Variants in WDR41 observed in about 807,000 individuals in gnomAD.
The protein encoded by WDR41 is WD repeat domain 41, also known as WD repeat-containing protein 41.
WDR41 carries 63 observed loss-of-function variants against 69.3 expected under a neutral mutation model. The ratio of observed to expected loss-of-function variants is 0.91; its 90% CI spans 0.74 to 1.12. The LOEUF (loss-of-function observed/expected upper bound fraction) is 1.12. WDR41 is among the 50% of genes most tolerant of loss of function. The pLI is 0.00. For missense variants in WDR41, 543 were observed against 534.5 expected (o/e 1.02, Z -0.16); for synonymous variants, 185 against 192.1 (o/e 0.96, Z 0.31).
intron 2 of WDR41, among the ~76,000 whole-genome samples, chr5:77,475,182 G>A (rs187733988): frequency 5.3e-5 from 8 of 152,294 alleles, no homozygotes; most frequent in Admixed American, 2.0e-4. Flanking sequence ...ACAGAGTCTC[G>A]CTAATTGCTA....
intron 1 of WDR41, among the ~76,000 whole-genome samples, chr5:77,576,973 A>T (rs2112283382): frequency 6.6e-6 from 1 of 152,316 alleles, no homozygotes; most frequent in East Asian, 1.9e-4. Context: ...TTGAAAGGAT[A>T]CTGGCATATT....
chr5:77,512,361 T>TAAA (rs1561211281), intron 1 of WDR41, among the ~76,000 whole-genome samples: 1 of 108,246 alleles, frequency 9.2e-6, no homozygotes, highest in Non-Finnish European at 2.0e-5. Context: ...AGTGAGTGTG[T>TAAA]GTGTGTGTGT....
intron 2 of WDR41, among the ~76,000 whole-genome samples, chr5:77,485,955 A>C (rs1396978621): frequency 6.6e-6 from 1 of 152,196 alleles, no homozygotes; most frequent in African/African-American, 2.4e-5. Flanking sequence ...ACCAAAAAAA[A>C]CCCAGAGTGT....
chr5:77,456,728 G>T (rs1799849844), intron 5 of WDR41, among the ~76,000 whole-genome samples: 1 of 151,936 alleles, frequency 6.6e-6, no homozygotes, highest in Non-Finnish European at 1.5e-5. Flanking sequence ...TTGAGACAGG[G>T]TCTTGCTCTA....
intron 1 of WDR41, among the ~76,000 whole-genome samples, chr5:77,500,722 C>G (rs529952903): frequency 9.7e-4 from 148 of 152,132 alleles, no homozygotes; most frequent in African/African-American, 3.3e-3. Context: ...GGTTCAGATA[C>G]CAAATCATAA....
chr5:77,468,763 T>C (rs1800418565), intron 2 of WDR41, among the ~76,000 whole-genome samples: 1 of 152,198 alleles, frequency 6.6e-6, no homozygotes, highest in Non-Finnish European at 1.5e-5. Context: ...GTGGTTAACT[T>C]TCCACCTAAC....
chr5:77,479,885 C>T (rs1232016513), intron 2 of WDR41, among the ~76,000 whole-genome samples: 19 of 151,512 alleles, frequency 1.3e-4, no homozygotes, highest in African/African-American at 3.4e-4. Context: ...AGTGAACAGG[C>T]AACCTACAAA....
intron 1 of WDR41, among the ~76,000 whole-genome samples, chr5:77,607,816 G>A (rs1002251746): frequency 6.6e-6 from 1 of 152,106 alleles, no homozygotes; most frequent in African/African-American, 2.4e-5. Flanking sequence ...ACTTTTTGCT[G>A]ACTTTGTATA....
chr5:77,441,644 A>G (rs1799171605), intron 8 of WDR41, among the ~76,000 whole-genome samples: 2 of 152,142 alleles, frequency 1.3e-5, no homozygotes, highest in African/African-American at 4.8e-5. Context: ...AGGTTGAGAC[A>G]GGAGAACTGC....
At chr5:77,579,451 C>CA (rs1743894828) in intron 1 of WDR41, among the ~76,000 whole-genome samples, 1 of 151,944 alleles carries the variant, frequency 6.6e-6, no homozygotes, top group Non-Finnish European at 1.5e-5. Flanking sequence ...AACTACACAA[C>CA]AAAACTCAAT....
In WDR41 at chr5:77,489,516, C is replaced by T; in HGVS notation, c.108G>A (p.Leu36=). The change falls in exon 2 of 13, where the codon CTG becomes CTA. Residue 36 remains leucine, a synonymous_variant. Transcript: ENST00000296679. Reference sequence around the variant, plus strand: ...TATCATGATGAGCCTTCAGTACTAGCAGTTCAGTGTAGGGATTCTGGGTTT... The same window carrying T: ...TATCATGATGAGCCTTCAGTACTAGTAGTTCAGTGTAGGGATTCTGGGTTT... ...EEQTQNPYTE[L]LVLKAHHDIV... is the part of the protein sequence containing the mutation. 1 of 1,608,856 alleles carries T rather than the reference C, an allele frequency of 6.2e-7. No homozygotes were observed. Among genetic ancestry groups the T allele is most frequent in the Non-Finnish European group, 8.5e-7 (1 of 1,178,450 alleles).
At chr5:77,476,045 T>C (rs1284123691) in intron 2 of WDR41, among the ~76,000 whole-genome samples, 2 of 152,036 alleles carry the variant, frequency 1.3e-5, no homozygotes, top group African/African-American at 4.8e-5. Context: ...CAGAAGCCGA[T>C]GCGATCAACT....
At chr5:77,558,907 AATT>A (rs1743464471) in intron 1 of WDR41, among the ~76,000 whole-genome samples, 1 of 152,176 alleles carries the variant, frequency 6.6e-6, no homozygotes. Context: ...GTATTTTCCA[AATT>A]ATCTATTACA....
At chr5:77,469,810 A>C (rs199871297) in intron 2 of WDR41, among the ~76,000 whole-genome samples, 110 of 152,300 alleles carry the variant, frequency 7.2e-4, no homozygotes, top group African/African-American at 2.6e-3. Flanking sequence ...GATTGGTGTA[A>C]CTGAAAGTGA....
chr5:77,494,026 T>C (rs767329713), upstream of WDR41, among the ~76,000 whole-genome samples: 32 of 151,500 alleles, frequency 2.1e-4, no homozygotes, highest in South Asian at 6.3e-4. Context: ...GTGGCATCAA[T>C]AGAAAGGGTG....
At position 77,489,586 on chromosome 5, in the gene WDR41, A is replaced by C; in HGVS notation, c.52-14T>G. 1 of 1,520,430 alleles carries C rather than the reference A, an allele frequency of 6.6e-7. No individual in the cohort carries two copies. Among genetic ancestry groups the C allele is most frequent in the Non-Finnish European group, 8.9e-7 (1 of 1,124,176 alleles). 94.2% of individuals were successfully genotyped at this position (1,520,430 alleles called of 1,614,324 possible). ...TAAAGGAGATTTCTTGTATTGAAAAAAAAAAAAAAGCAAAAAACAAAAGAC... is the reference window on the plus strand; with the variant it reads ...TAAAGGAGATTTCTTGTATTGAAAACAAAAAAAAAGCAAAAAACAAAAGAC... On this transcript the variant is annotated splice_polypyrimidine_tract_variant and intron_variant, in intron 1 of 12. Coordinates refer to ENST00000296679, the MANE Select transcript of WDR41 (RefSeq NM_018268.4).
At chr5:77,585,203 C>G (rs1320265593) in intron 1 of WDR41, among the ~76,000 whole-genome samples, 1 of 151,424 alleles carries the variant, frequency 6.6e-6, no homozygotes, top group African/African-American at 2.4e-5. Context: ...ATACAAATGG[C>G]CAAGAAACAT....
chr5:77,557,512 A>T (rs1743424218), intron 1 of WDR41, among the ~76,000 whole-genome samples: 1 of 152,244 alleles, frequency 6.6e-6, no homozygotes, highest in African/African-American at 2.4e-5. Flanking sequence ...CAGTAAGATG[A>T]CATTTCACAT....
intron 1 of WDR41, among the ~76,000 whole-genome samples, chr5:77,611,130 A>G (rs1744540797): frequency 6.6e-6 from 1 of 152,062 alleles, no homozygotes; most frequent in South Asian, 2.1e-4. Flanking sequence ...CATGCACCCA[A>G]TACAGGAGCA....
Sources: allele counts gnomAD v4.1 joint callset (sites outside exome capture counted in the v4.1 genomes callset), GRCh38; gene constraint gnomAD v4.1.1; transcripts MANE v1.5; gene names NCBI Gene and HGNC (gene_info 2026-07-23, HGNC 2026-07-21).